The following ADAM10 variants were observed in gnomAD, a reference collection of about 807,000 sequenced individuals.
ADAM10 encodes the protein ADAM metallopeptidase domain 10.
In ADAM10, 17 loss-of-function variants were observed where a neutral mutation model predicts 90.1. The observed-to-expected ratio is 0.19, with a 90% CI of 0.13 to 0.28. The LOEUF (loss-of-function observed/expected upper bound fraction) is 0.28, where lower values mean the gene tolerates loss of function less well. ADAM10 is among the 10% of genes least tolerant of loss of function. The probability of loss-of-function intolerance (pLI) is 1.00; values close to 1 mark genes in which losing one functional copy is unlikely to be tolerated. For synonymous variants in ADAM10, 310 were observed against 298.6 expected (o/e 1.04, Z -0.40); for missense variants, 610 against 914.3 (o/e 0.67, Z 4.29).
Position 58,595,944 on chromosome 15 carries a change from C to T in ADAM10, c.*1603G>A, listed in dbSNP as rs1379449865. ...TCATGTACAAAATTTGTCTCTAAAT[C>T]ATGTACAAAAAGCTGTATTTTGAAA... On this transcript the variant is annotated 3_prime_UTR_variant, in exon 16 of 16. Transcript: ENST00000260408. The T allele has an allele frequency of 6.6e-6, 1 of 152,000 alleles. No homozygotes were observed. Among genetic ancestry groups the T allele is most frequent in the African/African-American group, 2.4e-5 (1 of 41,382 alleles). The allele number at this position is 152,000 out of a possible 1,614,324, so 9.4% of individuals were successfully genotyped here.
intron 8 of ADAM10, among the ~76,000 whole-genome samples, chr15:58,640,506 T>C (rs538992070): frequency 6.6e-6 from 1 of 152,204 alleles, no homozygotes; most frequent in Non-Finnish European, 1.5e-5. Flanking sequence ...GGTTTCAGAA[T>C]TACCACTTTT....
intron 14 of ADAM10, chr15:58,609,975 A>G (rs552906010): frequency 3.3e-6 from 1 of 299,706 alleles, no homozygotes; most frequent in African/African-American, 2.2e-5. Flanking sequence ...AAAAACAACA[A>G]AAAAAAATGT....
At chr15:58,633,381 G>A in intron 8 of ADAM10, 22 bp from the exon 9 acceptor site, 5 of 1,608,666 alleles carry the variant, frequency 3.1e-6, no homozygotes, top group Non-Finnish European at 4.3e-6. Context: ...CAAAAAAATG[G>A]CTAAATTAGT....
chr15:58,693,139 T>G (rs752290567), intron 2 of ADAM10: 2 of 737,238 alleles, frequency 2.7e-6, no homozygotes, highest in Admixed American at 3.5e-5. Context: ...TTGGGCAATT[T>G]CTGCCTAAAA....
intron 2 of ADAM10, among the ~76,000 whole-genome samples, chr15:58,705,499 T>C (rs1354061233): frequency 6.6e-6 from 1 of 152,220 alleles, no homozygotes; most frequent in Non-Finnish European, 1.5e-5. Context: ...ACTGAGTCCC[T>C]AGTCTTAGTG....
At chr15:58,603,881 A>T (rs1405913829) in intron 14 of ADAM10, among the ~76,000 whole-genome samples, 1 of 148,800 alleles carries the variant, frequency 6.7e-6, no homozygotes, top group Non-Finnish European at 1.5e-5. Context: ...AGGGTTAAAA[A>T]AAAAAAAAAA....
intron 2 of ADAM10, chr15:58,693,088 T>G (rs756146320): frequency 1.3e-6 from 1 of 746,442 alleles, no homozygotes; most frequent in South Asian, 1.3e-5. Flanking sequence ...AAGGAAAATC[T>G]CCTTGTTGGA....
At chr15:58,630,778 C>A (rs1253832665) in intron 9 of ADAM10, among the ~76,000 whole-genome samples, 1 of 152,144 alleles carries the variant, frequency 6.6e-6, no homozygotes, top group Non-Finnish European at 1.5e-5. Context: ...TTAAGGGAGA[C>A]AGGTTCAGGT....
chr15:58,610,575 C>G, intron 13 of ADAM10, 58 bp from the exon 14 acceptor site: 1 of 1,517,438 alleles, frequency 6.6e-7, no homozygotes, highest in African/African-American at 1.4e-5. Flanking sequence ...AGTTGAAGAT[C>G]AGATTTCCAG....
chr15:58,631,594 T>A (rs868494277), intron 9 of ADAM10, among the ~76,000 whole-genome samples: 1 of 152,060 alleles, frequency 6.6e-6, no homozygotes, highest in African/African-American at 2.4e-5. Flanking sequence ...TAAAAAAGAA[T>A]CTGTGTTTTA....
At chr15:58,714,306 C>CACACACAT (rs1898581949) in intron 2 of ADAM10, among the ~76,000 whole-genome samples, 1 of 151,562 alleles carries the variant, frequency 6.6e-6, no homozygotes, top group Admixed American at 6.6e-5. Flanking sequence ...CACACACACA[C>CACACACAT]ACACACACAC....
At chr15:58,653,166 G>C (rs1031704424) in intron 5 of ADAM10, among the ~76,000 whole-genome samples, 29 of 152,242 alleles carry the variant, frequency 1.9e-4, no homozygotes, top group African/African-American at 6.5e-4. Context: ...CTGCAAACAA[G>C]GATATTTTGA....
At chr15:58,648,175 C>T (rs1312567026) in intron 5 of ADAM10, among the ~76,000 whole-genome samples, 1 of 152,036 alleles carries the variant, frequency 6.6e-6, no homozygotes, top group South Asian at 2.1e-4. Context: ...TGTAATATAC[C>T]TGATATATAC....
chr15:58,727,341 C>A (rs1240179768), intron 1 of ADAM10, among the ~76,000 whole-genome samples: 1 of 152,116 alleles, frequency 6.6e-6, no homozygotes, highest in Non-Finnish European at 1.5e-5. Context: ...CAGGCATGCA[C>A]CACCACACCC....
At chr15:58,729,913 G>A (rs950658278) in intron 1 of ADAM10, among the ~76,000 whole-genome samples, 1 of 149,560 alleles carries the variant, frequency 6.7e-6, no homozygotes, top group African/African-American at 2.4e-5. Context: ...GGCGAGCCAA[G>A]ACCGTGCCAC....
chr15:58,713,957 C>A lies in ADAM10; in HGVS notation c.206+3620G>T, dbSNP rs145874636. On this transcript the variant is annotated intron_variant, in intron 2 of 15. Transcript: ENST00000260408. ...CCTCTTGAGTAGCTGGGACTACAGG[C>A]GCATGCCCAGCTAATTGTTTGTATT... Among the ~76,000 whole-genome samples the A allele has an allele frequency of 9.5e-3, 1,433 of 151,584 alleles. 20 individuals carry two copies. Among genetic ancestry groups the A allele is most frequent in the African/African-American group, 0.033 (1,356 of 41,278 alleles).
intron 4 of ADAM10, among the ~76,000 whole-genome samples, chr15:58,677,082 C>T (rs955755552): frequency 1.3e-5 from 2 of 152,152 alleles, no homozygotes; most frequent in Admixed American, 6.5e-5. Context: ...GTTCACTTGA[C>T]AGATTTTTAG....
chr15:58,706,771 G>A (rs1339911729), intron 2 of ADAM10, among the ~76,000 whole-genome samples: 1 of 152,142 alleles, frequency 6.6e-6, no homozygotes, highest in Non-Finnish European at 1.5e-5. Context: ...AGAACTTTGG[G>A]AGGCCAAGGC....
At chr15:58,692,868 A>C (rs1449073684) in intron 2 of ADAM10, 1 of 675,248 alleles carries the variant, frequency 1.5e-6, no homozygotes, top group Non-Finnish European at 2.8e-6. Flanking sequence ...TAAATGCTTC[A>C]GTACCAGACT....
Sources: allele counts gnomAD v4.1 joint callset (sites outside exome capture counted in the v4.1 genomes callset), GRCh38; gene constraint gnomAD v4.1.1; transcripts MANE v1.5; gene names NCBI Gene and HGNC (gene_info 2026-07-23, HGNC 2026-07-21).